Variants in KCNJ6 observed in about 807,000 individuals in gnomAD.
The protein encoded by KCNJ6 is potassium inwardly rectifying channel subfamily J member 6, also known as G protein-activated inward rectifier potassium channel 2.
Under a neutral mutation model 34.2 loss-of-function variants are expected in KCNJ6, and 9 were observed. The observed-to-expected ratio is 0.26, with a 90% CI of 0.16 to 0.46. KCNJ6 has a LOEUF of 0.46. KCNJ6 is among the 20% of genes least tolerant of loss of function. The pLI, the probability that KCNJ6 is intolerant of heterozygous loss-of-function variation, is 1.00. For synonymous variants in KCNJ6, 196 were observed against 207.1 expected (o/e 0.95, Z 0.46); for missense variants, 236 against 531.3 (o/e 0.44, Z 5.46).
intron 1 of KCNJ6, among the ~76,000 whole-genome samples, chr21:37,843,514 G>A (rs566843438): frequency 6.6e-6 from 1 of 152,274 alleles, no homozygotes; most frequent in East Asian, 1.9e-4. Flanking sequence ...GATGTTTGCA[G>A]TTACACGACA....
At chr21:37,739,673 C>T (rs532759223) in intron 2 of KCNJ6, among the ~76,000 whole-genome samples, 2 of 152,176 alleles carry the variant, frequency 1.3e-5, no homozygotes, top group African/African-American at 4.8e-5. Flanking sequence ...TGTCAGCTTT[C>T]TGCACACCAC....
At chr21:37,863,384 G>T (rs549915933) in intron 1 of KCNJ6, among the ~76,000 whole-genome samples, 2 of 152,092 alleles carry the variant, frequency 1.3e-5, no homozygotes, top group East Asian at 1.9e-4. Flanking sequence ...AATATTGATG[G>T]GTATCGCACA....
intron 1 of KCNJ6, among the ~76,000 whole-genome samples, chr21:37,896,877 G>A (rs1192833453): frequency 2.0e-5 from 3 of 152,288 alleles, no homozygotes; most frequent in Admixed American, 6.5e-5. Context: ...TGGAGCTCAC[G>A]GTTTGCTTCA....
chr21:37,876,601 A>G (rs1363713964), intron 1 of KCNJ6, among the ~76,000 whole-genome samples: 2 of 139,796 alleles, frequency 1.4e-5, no homozygotes, highest in African/African-American at 6.1e-5. Context: ...TATTTTATAT[A>G]CAAAACAAAT....
intron 2 of KCNJ6, among the ~76,000 whole-genome samples, chr21:37,745,563 A>T (rs1454085933): frequency 6.6e-6 from 1 of 152,214 alleles, no homozygotes; most frequent in Non-Finnish European, 1.5e-5. Context: ...CCTTGGCTTT[A>T]GCCCAGTGAG....
At chr21:37,744,815 G>A (rs930062314) in intron 2 of KCNJ6, among the ~76,000 whole-genome samples, 1 of 152,252 alleles carries the variant, frequency 6.6e-6, no homozygotes, top group East Asian at 1.9e-4. Context: ...TCACAAATTA[G>A]GATGGAGGTT....
intron 1 of KCNJ6, among the ~76,000 whole-genome samples, chr21:37,870,966 G>A (rs1053784170): frequency 3.0e-4 from 45 of 152,278 alleles, no homozygotes; most frequent in African/African-American, 1.1e-3. Context: ...CTTGGAAGAT[G>A]CACCATTATC....
At chr21:37,907,600 C>A (rs926272326) in intron 1 of KCNJ6, among the ~76,000 whole-genome samples, 2 of 152,210 alleles carry the variant, frequency 1.3e-5, no homozygotes, top group Non-Finnish European at 2.9e-5. Context: ...ATTACCTCTG[C>A]CCCGCTCTGA....
intron 1 of KCNJ6, among the ~76,000 whole-genome samples, chr21:37,883,632 C>T (rs2055720971): frequency 6.6e-6 from 1 of 152,162 alleles, no homozygotes; most frequent in African/African-American, 2.4e-5. Flanking sequence ...TTTCCCTGCT[C>T]CCAAAGTCCC....
chr21:37,712,356 G>C (rs995280815), intron 3 of KCNJ6, among the ~76,000 whole-genome samples: 1 of 152,102 alleles, frequency 6.6e-6, no homozygotes, highest in African/African-American at 2.4e-5. Flanking sequence ...GGGGGATCCA[G>C]AGTCCCTGTG....
intron 2 of KCNJ6, among the ~76,000 whole-genome samples, chr21:37,771,934 A>G (rs2055119633): frequency 6.6e-6 from 1 of 152,246 alleles, no homozygotes; most frequent in African/African-American, 2.4e-5. Context: ...AACGAACAGA[A>G]TATGCAGTTT....
intron 1 of KCNJ6, among the ~76,000 whole-genome samples, chr21:37,847,572 A>T (rs2123586470): frequency 6.6e-6 from 1 of 152,356 alleles, no homozygotes; most frequent in Non-Finnish European, 1.5e-5. Flanking sequence ...ATAGAAGAGG[A>T]CATCCAGGTA....
intron 1 of KCNJ6, 94 bp from the exon 2 acceptor site, chr21:37,840,803 T>A (rs964181415): frequency 2.7e-5 from 18 of 656,374 alleles, no homozygotes; most frequent in Non-Finnish European, 4.5e-5. Flanking sequence ...TCTTCCTTCT[T>A]TTTCCTAGGT....
intron 2 of KCNJ6, among the ~76,000 whole-genome samples, chr21:37,792,975 T>G (rs1408325565): frequency 6.6e-6 from 1 of 152,072 alleles, no homozygotes; most frequent in Non-Finnish European, 1.5e-5. Flanking sequence ...ATGAGGCCCC[T>G]CCTCTAAAGA....
At chr21:37,628,535 A>C (rs932905552) in intron 3 of KCNJ6, among the ~76,000 whole-genome samples, 10 of 152,210 alleles carry the variant, frequency 6.6e-5, no homozygotes, top group African/African-American at 2.4e-4. Flanking sequence ...TGCCTCAGAG[A>C]CCTGTGGGAC....
chr21:37,615,292 G>C lies in KCNJ6; in HGVS notation c.*9867C>G, dbSNP rs1412590706. 2 of 134,976 alleles carry C rather than the reference G, an allele frequency of 1.5e-5. No homozygotes were observed. Among genetic ancestry groups the C allele is most frequent in the Non-Finnish European group, 3.0e-5 (2 of 66,356 alleles). The allele number at this position is 134,976 out of a possible 1,614,324, so 8.4% of individuals were successfully genotyped here. A position where few individuals can be genotyped will look rare whatever the true frequency, so the allele number is the denominator to read the frequency against. Reference sequence around the variant, plus strand: ...TTTTGAGACGGAGTCTCGCTCTGTCGCCCAGGTCGGACTGCGGACTGCAGT... The same window carrying C: ...TTTTGAGACGGAGTCTCGCTCTGTCCCCCAGGTCGGACTGCGGACTGCAGT... On this transcript the variant is annotated 3_prime_UTR_variant, in exon 4 of 4. Coordinates refer to ENST00000609713, the MANE Select transcript of KCNJ6 (RefSeq NM_002240.5).
Position 37,646,713 on chromosome 21 carries a change from C to G in KCNJ6, c.947-21229G>C, listed in dbSNP as rs551727168. On this transcript the variant is annotated intron_variant, in intron 3 of 3. Transcript: ENST00000609713. ...TTGAGACGGAGTTGGCTCTGTCGCC[C>G]AGGCTGGAGTGCAGTGGTGCGATCT... 1.9e-3 allele frequency among the ~76,000 whole-genome samples: 293 copies of G among 151,672 alleles called. 1 individual carries two copies. The highest frequency in any genetic ancestry group is 6.4e-3 in the African/African-American group (264 of 41,096).
intron 2 of KCNJ6, among the ~76,000 whole-genome samples, chr21:37,720,852 C>T (rs972336366): frequency 2.6e-5 from 4 of 151,456 alleles, no homozygotes; most frequent in Admixed American, 6.6e-5. Flanking sequence ...GGACTACAGG[C>T]GCCCGCCACC....
intron 2 of KCNJ6, among the ~76,000 whole-genome samples, chr21:37,786,805 G>A (rs2055194792): frequency 6.6e-6 from 1 of 152,132 alleles, no homozygotes; most frequent in South Asian, 2.1e-4. Flanking sequence ...GCCGTTGTGA[G>A]GATTATACCT....
Sources: allele counts gnomAD v4.1 joint callset (sites outside exome capture counted in the v4.1 genomes callset), GRCh38; gene constraint gnomAD v4.1.1; transcripts MANE v1.5; gene names NCBI Gene and HGNC (gene_info 2026-07-23, HGNC 2026-07-21).